The following SEC61A1 variants were observed in gnomAD, a reference collection of about 807,000 sequenced individuals.
SEC61A1 encodes the protein protein transport protein Sec61 subunit alpha isoform 1.
In SEC61A1, 15 loss-of-function variants were observed where a neutral mutation model predicts 55.2. That is an observed-to-expected ratio of 0.27 (90% confidence interval 0.18 to 0.42). The LOEUF is 0.42. Among genes scored for constraint, SEC61A1 ranks in the 10% least tolerant of loss-of-function variants. SEC61A1 has a pLI of 1.00. For synonymous variants in SEC61A1, 247 were observed against 234.0 expected (o/e 1.06, Z -0.51); for missense variants, 284 against 602.6 (o/e 0.47, Z 5.53).
At chr3:128,051,971 G>A, upstream of SEC61A1, 3 of 1,305,894 alleles carry the variant, frequency 2.3e-6, no homozygotes, top group Non-Finnish European at 3.2e-6. Flanking sequence ...CTAGGTGACG[G>A]GCGCCGCGGT....
At chr3:128,065,396 A>AGGTAACTTCT (rs1941936120) in intron 8 of SEC61A1, 2 of 550,902 alleles carry the variant, frequency 3.6e-6, no homozygotes, top group East Asian at 5.9e-5. Context: ...TGATATTTAT[A>AGGTAACTTCT]GGTAACTTCT....
chr3:128,052,126 G>A (rs1941684982), upstream of SEC61A1, among the ~76,000 whole-genome samples: 1 of 152,182 alleles, frequency 6.6e-6, no homozygotes, highest in Non-Finnish European at 1.5e-5. Flanking sequence ...CTTCGCGCCT[G>A]CCTCAGTTTC....
At position 128,055,747 on chromosome 3, in the gene SEC61A1, C is replaced by T. The variant is rs1254295953; in HGVS notation, c.216C>T (p.Asn72=). The T allele has an allele frequency of 6.2e-7, 1 of 1,612,036 alleles. No homozygotes were observed. Reference sequence around the variant, plus strand: ...GGATGAGAGTGATTCTAGCCTCTAACAGAGGTAGGACTCTGGCTCTGTCTT... The same window carrying T: ...GGATGAGAGTGATTCTAGCCTCTAATAGAGGTAGGACTCTGGCTCTGTCTT... ...FYWMRVILAS[N]RGTLMELGIS... Residue 72 remains asparagine (N), a synonymous_variant, in exon 4 of 12, where the codon AAC becomes AAT. Coordinates refer to ENST00000243253, the MANE Select transcript of SEC61A1 (RefSeq NM_013336.4).
upstream of SEC61A1, chr3:128,052,228 C>G: frequency 5.5e-6 from 2 of 366,744 alleles, no homozygotes; most frequent in Non-Finnish European, 9.8e-6. Context: ...CGCACACCCC[C>G]AGTCCCGGCG....
chr3:128,056,402 A>G (rs1262500221), intron 4 of SEC61A1, among the ~76,000 whole-genome samples: 1 of 152,220 alleles, frequency 6.6e-6, no homozygotes, highest in Non-Finnish European at 1.5e-5. Flanking sequence ...ACTGATGAAG[A>G]GACGAACATT....
At chr3:128,064,665 A>C in intron 7 of SEC61A1, 1 of 551,162 alleles carries the variant, frequency 1.8e-6, no homozygotes, top group Non-Finnish European at 3.2e-6. Context: ...AAAATCAAAA[A>C]CAAACCAGAA....
chr3:128,066,843 A>C (rs1481931989), intron 8 of SEC61A1, 111 bp from the exon 9 acceptor site: 1 of 1,005,070 alleles, frequency 9.9e-7, no homozygotes, highest in Admixed American at 2.2e-5. Context: ...GAACCAGCAC[A>C]CAGGATTTCC....
intron 2 of SEC61A1, among the ~76,000 whole-genome samples, chr3:128,054,334 T>G (rs1232935490): frequency 6.6e-6 from 1 of 152,246 alleles, no homozygotes; most frequent in African/African-American, 2.4e-5. Flanking sequence ...GCTCTTTGTT[T>G]CCCATCAAGA....
chr3:128,054,523 G>T (rs1015244316), intron 2 of SEC61A1, among the ~76,000 whole-genome samples: 1 of 152,220 alleles, frequency 6.6e-6, no homozygotes, highest in Non-Finnish European at 1.5e-5. Context: ...TTGTGTGGCC[G>T]TATGACTGTG....
rs1250076085 is a variant in SEC61A1, at chr3:128,069,648, G to GC, written c.1420dup (p.Leu474ProfsTer53). On this transcript the variant is annotated frameshift_variant, in exon 12 of 12. Coordinates refer to ENST00000243253, the MANE Select transcript of SEC61A1 (RefSeq NM_013336.4). LOFTEE classifies it high-confidence loss of function. ...GCAAAGCGAGGTTGGCAGCATGGGG[G>GC]CCCTGCTCTTCTGAGCCCGTCTCCC... 2 of 1,613,928 alleles carry GC rather than the reference G, an allele frequency of 1.2e-6. No homozygotes were observed. Among genetic ancestry groups the GC allele is most frequent in the Non-Finnish European group, 8.5e-7 (1 of 1,180,002 alleles).
At chr3:128,056,914 T>C in intron 5 of SEC61A1, 74 bp downstream of exon 5, 8 of 1,199,290 alleles carry the variant, frequency 6.7e-6, no homozygotes, top group African/African-American at 1.6e-5. Context: ...TGGTATCAGT[T>C]TTTCTTTTTT....
At chr3:128,051,951 CGGAGACCTACTA>C (rs1336094541), upstream of SEC61A1, 1 of 1,448,438 alleles carries the variant, frequency 6.9e-7, no homozygotes, top group African/African-American at 1.4e-5. Context: ...CAGGTAATGA[CGGAGACCTACTA>C]GGTGACGGGC....
chr3:128,059,991 C>A, intron 5 of SEC61A1, 111 bp from the exon 6 acceptor site: 1 of 751,282 alleles, frequency 1.3e-6, no homozygotes, highest in Non-Finnish European at 2.3e-6. Context: ...AGTATCACTG[C>A]TCTTCATCTT....
intron 6 of SEC61A1, 66 bp from the exon 7 acceptor site, chr3:128,060,442 C>T: frequency 1.3e-6 from 2 of 1,539,434 alleles, no homozygotes; most frequent in South Asian, 1.2e-5. Context: ...AACCCAATTA[C>T]TGAAGGACGG....
rs563453971 is a variant in SEC61A1, at chr3:128,060,750, A to G, written c.616+89A>G. The G allele has an allele frequency of 2.3e-6, 3 of 1,318,718 alleles. No individual in the cohort carries two copies. The East Asian group carries it at 7.4e-5, about 33-fold the overall frequency. The allele number at this position is 1,318,718 out of a possible 1,614,324, so 81.7% of individuals were successfully genotyped here. The stretch of plus-strand genomic sequence containing the variant: ...CAGAAGACAAAAATCCCCCCATTCC[A>G]CAGAAAAATAATGTCAGTTTTAGGT... On this transcript the variant is annotated intron_variant, in intron 7 of 11. Coordinates refer to ENST00000243253, the MANE Select transcript of SEC61A1 (RefSeq NM_013336.4).
Position 128,060,140 on chromosome 3 carries a change from T to C in SEC61A1, c.391T>C (p.Tyr131His), listed in dbSNP as rs1307692993. Residue 131 changes from tyrosine to histidine, a missense_variant, in exon 6 of 12, where the codon TAT (tyrosine) becomes CAT (histidine). Physicochemically the swap from Tyr to His is moderately conservative, Grantham distance 83 (BLOSUM62 2). Coordinates refer to ENST00000243253, the MANE Select transcript of SEC61A1 (RefSeq NM_013336.4). ...MIITIGQSIV[Y>H]VMTGMYGDPS... ...CATTACTATCGGCCAGTCTATCGTGTATGTGATGACCGGGATGTATGGGGA... is the reference window on the plus strand; with the variant it reads ...CATTACTATCGGCCAGTCTATCGTGCATGTGATGACCGGGATGTATGGGGA... The C allele has an allele frequency of 6.2e-7, 1 of 1,614,152 alleles. No individual in the cohort carries two copies. The highest frequency in any genetic ancestry group is 8.5e-7 in the Non-Finnish European group (1 of 1,179,960).
chr3:128,051,973 C>G, upstream of SEC61A1: 1 of 1,277,592 alleles, frequency 7.8e-7, no homozygotes. Context: ...AGGTGACGGG[C>G]GCCGCGGTAG....
intron 8 of SEC61A1, 102 bp downstream of exon 8, chr3:128,065,139 T>C (rs780617036): frequency 7.8e-5 from 99 of 1,262,382 alleles, no homozygotes; most frequent in Non-Finnish European, 1.1e-4. Flanking sequence ...TGTCATCATA[T>C]TGTGTTGAAA....
At chr3:128,065,943 C>T (rs918533352) in intron 8 of SEC61A1, among the ~76,000 whole-genome samples, 1 of 151,688 alleles carries the variant, frequency 6.6e-6, no homozygotes, top group Admixed American at 6.6e-5. Context: ...AGGGTTTCAC[C>T]GTGTTAGCCA....
Sources: allele counts gnomAD v4.1 joint callset (sites outside exome capture counted in the v4.1 genomes callset), GRCh38; gene constraint gnomAD v4.1.1; transcripts MANE v1.5; gene names NCBI Gene and HGNC (gene_info 2026-07-23, HGNC 2026-07-21).